Variants in NAA25 observed in about 807,000 individuals in gnomAD.
The protein encoded by NAA25 is N-alpha-acetyltransferase 25, NatB auxiliary subunit, also known as N-terminal acetyltransferase B complex subunit NAA25.
NAA25 carries 30 observed loss-of-function variants against 132.5 expected under a neutral mutation model. The ratio of observed to expected loss-of-function variants is 0.23; its 90% confidence interval spans 0.17 to 0.31. The LOEUF (loss-of-function observed/expected upper bound fraction) is 0.31, where lower values mean the gene tolerates loss of function less well. NAA25 is among the 10% of genes least tolerant of loss of function. The pLI is 1.00. For synonymous variants in NAA25, 359 were observed against 401.9 expected (o/e 0.89, Z 1.28); for missense variants, 771 against 1,150.4 (o/e 0.67, Z 4.77).
intron 9 of NAA25, among the ~76,000 whole-genome samples, chr12:112,073,333 A>G (rs990886540): frequency 5.9e-5 from 9 of 152,208 alleles, no homozygotes; most frequent in Non-Finnish European, 1.0e-4. Context: ...TTTAAGAATG[A>G]AAACTGAGAA....
In NAA25 at chr12:112,049,016, C is replaced by G. The variant is rs2078426741; in HGVS notation, c.1729-573G>C. Among the ~76,000 whole-genome samples, 1 of 152,140 alleles carries G rather than the reference C, an allele frequency of 6.6e-6. No homozygotes were observed. The highest frequency in any genetic ancestry group is 2.1e-4 in the South Asian group (1 of 4,826). ...GTAAGACACCAAACAAAAGACCTAT[C>G]AAAATTCATGTCATAATCTATTCTG... On this transcript the variant is annotated intron_variant, in intron 15 of 23. Transcript: ENST00000261745. The surrounding 1 kb of genome is among the most constrained non-coding windows in gnomAD (Gnocchi z 4.7).
At chr12:112,062,847 A>G (rs2078656315) in intron 11 of NAA25, among the ~76,000 whole-genome samples, 1 of 152,114 alleles carries the variant, frequency 6.6e-6, no homozygotes, top group African/African-American at 2.4e-5. Flanking sequence ...GTTCAAGATC[A>G]GCCTCGGCAC....
intron 13 of NAA25, among the ~76,000 whole-genome samples, chr12:112,058,644 G>C (rs1004036194): frequency 6.6e-6 from 1 of 152,188 alleles, no homozygotes. Context: ...GCATGATAAG[G>C]CTGGGTGCAG....
Position 112,066,940 on chromosome 12 carries a change from C to G in NAA25, c.1149+1940G>C, listed in dbSNP as rs1208113394. On this transcript the variant is annotated intron_variant, in intron 11 of 23. Transcript: ENST00000261745. ...GCACTTCATTCATTCCACATGGGGACAATAGAAGGCTTTCTGGGAGAACGG... is the reference window on the plus strand; with the variant it reads ...GCACTTCATTCATTCCACATGGGGAGAATAGAAGGCTTTCTGGGAGAACGG... Among the ~76,000 whole-genome samples the G allele has an allele frequency of 2.0e-5, 3 of 152,182 alleles. No homozygotes were observed. In the East Asian group the frequency reaches 5.8e-4, roughly 29 times the overall value.
intron 13 of NAA25, among the ~76,000 whole-genome samples, chr12:112,059,121 A>C (rs1186385133): frequency 1.9e-4 from 19 of 100,320 alleles, no homozygotes; most frequent in Non-Finnish European, 2.3e-4. Flanking sequence ...AAAAAAAAAA[A>C]AACTAGCTGG....
At chr12:112,102,854 T>C (rs138259505) in intron 1 of NAA25, among the ~76,000 whole-genome samples, 156 of 152,126 alleles carry the variant, frequency 1.0e-3, no homozygotes, top group African/African-American at 3.5e-3. Context: ...ACCCGGCTAA[T>C]TTTTCGTATA....
Position 112,067,372 on chromosome 12 carries a change from T to C in NAA25, c.1149+1508A>G, listed in dbSNP as rs10849996. Among the ~76,000 whole-genome samples the C allele has an allele frequency of 0.055, 8,417 of 152,194 alleles. 1,287 individuals carry two copies. In the East Asian group the frequency reaches 0.61, roughly 11 times the overall value. ...ACAAAGAACTTGTATCTAAGATATA[T>C]AAAAATCTCTGCAAACTCAACAGTA... On this transcript the variant is annotated intron_variant, in intron 11 of 23. Transcript: ENST00000261745.
At chr12:112,078,145 A>C in intron 7 of NAA25, 43 bp downstream of exon 7, 1 of 1,378,590 alleles carries the variant, frequency 7.3e-7, no homozygotes, top group Non-Finnish European at 1.0e-6. Context: ...TTCATGTTTA[A>C]ATAGGAAAAA....
chr12:112,037,293 T>C (rs1343910459), intron 22 of NAA25, among the ~76,000 whole-genome samples: 1 of 103,278 alleles, frequency 9.7e-6, no homozygotes, highest in African/African-American at 4.8e-5. Flanking sequence ...TATATATATA[T>C]ATATATATAT....
chr12:112,038,255 C>G (rs1192282600), intron 22 of NAA25, among the ~76,000 whole-genome samples: 3 of 152,166 alleles, frequency 2.0e-5, no homozygotes, highest in East Asian at 3.9e-4. Flanking sequence ...CTCAAGTGAT[C>G]TGCCCGTCTC....
chr12:112,061,238 G>T lies in NAA25; in HGVS notation c.1300C>A (p.Gln434Lys). ...LGLYHTMDKNQKLSVVRELML... is the reference protein window; with the variant it reads ...LGLYHTMDKNKKLSVVRELML... ...AATTCTCTGACCACACTCAATTTCT[G>T]ATTTTTATCCATGGTGTGGTACAAG... Residue 434 changes from glutamine to lysine, a missense_variant, in exon 12 of 24, where the codon CAG (glutamine) becomes AAG (lysine). Around this residue, in one of 3 missense-constraint regions of NAA25, gnomAD observed 417 missense variants for 733.8 expected, o/e 0.57. Coordinates refer to ENST00000261745, the MANE Select transcript of NAA25 (RefSeq NM_024953.4). 1 of 1,614,066 alleles carries T rather than the reference G, an allele frequency of 6.2e-7. No individual in the cohort carries two copies. Among genetic ancestry groups the T allele is most frequent in the Non-Finnish European group, 8.5e-7 (1 of 1,180,020 alleles).
At chr12:112,088,848 G>A (rs1485990299) in intron 3 of NAA25, among the ~76,000 whole-genome samples, 2 of 151,974 alleles carry the variant, frequency 1.3e-5, no homozygotes, top group African/African-American at 2.4e-5. Flanking sequence ...TCGAACTCCC[G>A]ACCTCAGGTA....
At chr12:112,098,888 G>A (rs919488737) in intron 1 of NAA25, among the ~76,000 whole-genome samples, 2 of 152,104 alleles carry the variant, frequency 1.3e-5, no homozygotes, top group East Asian at 1.9e-4. Context: ...ACAGGCGTGA[G>A]CCACCACGCC....
chr12:112,029,685 TGTTTAAAAACCATC>T, intron 23 of NAA25, 32 bp from the exon 24 acceptor site: 1 of 1,601,768 alleles, frequency 6.2e-7, no homozygotes. Context: ...TAATTAGTCT[TGTTTAAAAACCATC>T]CCCCCAGATT....
chr12:112,090,947 G>C, intron 2 of NAA25, 83 bp from the exon 3 acceptor site: 1 of 1,370,128 alleles, frequency 7.3e-7, no homozygotes. Context: ...GAAAGAACAA[G>C]TATTAAGTTA....
At chr12:112,081,205 A>T (rs2078969655) in intron 4 of NAA25, 71 bp from the exon 5 acceptor site, 1 of 1,297,954 alleles carries the variant, frequency 7.7e-7, no homozygotes, top group Non-Finnish European at 1.1e-6. Context: ...TAGATACACG[A>T]CAAAAAGTTT....
Position 112,048,880 on chromosome 12 carries a change from C to G in NAA25, c.1729-437G>C, listed in dbSNP as rs377333744. Among the ~76,000 whole-genome samples the G allele has an allele frequency of 2.0e-5, 3 of 152,118 alleles. No homozygotes were observed. The South Asian group carries it at 6.2e-4, about 32-fold the overall frequency. On this transcript the variant is annotated intron_variant, in intron 15 of 23. Coordinates refer to ENST00000261745, the MANE Select transcript of NAA25 (RefSeq NM_024953.4). ...ATAGAACCACCTGCCCCCCGCCCCC[C>G]CAAATAAAAACCACTCTCCTTCAGA...
At chr12:112,036,874 T>C (rs1006531227) in intron 22 of NAA25, among the ~76,000 whole-genome samples, 3 of 150,546 alleles carry the variant, frequency 2.0e-5, no homozygotes, top group South Asian at 2.1e-4. Flanking sequence ...AAACTGTGTG[T>C]GCGTGTGTGT....
At chr12:112,052,935 C>G (rs1282539199) in intron 15 of NAA25, among the ~76,000 whole-genome samples, 1 of 152,170 alleles carries the variant, frequency 6.6e-6, no homozygotes. Context: ...GAGTACAGAC[C>G]GTATGGTTTT....
Sources: allele counts gnomAD v4.1 joint callset (sites outside exome capture counted in the v4.1 genomes callset), GRCh38; gene constraint gnomAD v4.1.1; regional missense constraint gnomAD v4.1.1; non-coding constraint Gnocchi (gnomAD v3.1); transcripts MANE v1.5; gene names NCBI Gene and HGNC (gene_info 2026-07-23, HGNC 2026-07-21).